Variants in LRP1B observed in about 807,000 individuals in gnomAD.
LRP1B encodes the protein LDL receptor related protein 1B.
A neutral mutation model predicts 556.6 loss-of-function variants in LRP1B; 217 were observed. That is an observed-to-expected ratio of 0.39 (90% confidence interval 0.35 to 0.44). LRP1B has a LOEUF of 0.44. Among genes scored for constraint, LRP1B ranks in the 20% least tolerant of loss-of-function variants. The pLI is 1.00. For missense variants in LRP1B, 5,053 were observed against 5,620.8 expected (o/e 0.90, Z 3.23); for synonymous variants, 2,047 against 1,865.8 (o/e 1.10, Z -2.50).
intron 43 of LRP1B, among the ~76,000 whole-genome samples, chr2:140,548,985 T>C (rs1045047572): frequency 6.6e-5 from 10 of 152,054 alleles, no homozygotes; most frequent in African/African-American, 2.4e-4. Flanking sequence ...TGTGAGGTAA[T>C]TAACAACATT....
chr2:142,083,054 C>G (rs1705780159), intron 1 of LRP1B, among the ~76,000 whole-genome samples: 1 of 152,070 alleles, frequency 6.6e-6, no homozygotes, highest in African/African-American at 2.4e-5. Context: ...GATGAGGTGA[C>G]AGTAAATGAT....
intron 1 of LRP1B, among the ~76,000 whole-genome samples, chr2:142,108,319 T>C (rs1279085147): frequency 1.3e-5 from 2 of 152,148 alleles, no homozygotes; most frequent in Admixed American, 6.6e-5. Flanking sequence ...TTCAATTCCA[T>C]GGGAAATAGC....
chr2:141,357,525 G>A lies in LRP1B; in HGVS notation c.344-102884C>T, dbSNP rs116750442. 6.3e-3 allele frequency among the ~76,000 whole-genome samples: 960 copies of A among 152,164 alleles called. 6 individuals carry two copies. The highest frequency in any genetic ancestry group is 0.022 in the African/African-American group (922 of 41,512). On this transcript the variant is annotated intron_variant, in intron 3 of 90. Coordinates refer to ENST00000389484, the MANE Select transcript of LRP1B (RefSeq NM_018557.3). ...GAGCCACTGAATAAACCCTGAAAAC[G>A]CGCTGAATTTATAATTATGATATCA... is the stretch of plus-strand genomic sequence containing the variant.
At chr2:141,727,534 A>G (rs1470065579) in intron 2 of LRP1B, among the ~76,000 whole-genome samples, 1 of 152,130 alleles carries the variant, frequency 6.6e-6, no homozygotes, top group Non-Finnish European at 1.5e-5. Flanking sequence ...TTGAATTTGG[A>G]TTTCAATCCT....
intron 41 of LRP1B, among the ~76,000 whole-genome samples, chr2:140,665,536 T>C (rs547598687): frequency 1.8e-4 from 27 of 152,338 alleles, no homozygotes; most frequent in African/African-American, 4.3e-4. Flanking sequence ...TTTTCCCTTT[T>C]TTCCATAGCC....
At chr2:140,586,256 C>T (rs1486731045) in intron 43 of LRP1B, among the ~76,000 whole-genome samples, 1 of 152,100 alleles carries the variant, frequency 6.6e-6, no homozygotes, top group African/African-American at 2.4e-5. Flanking sequence ...AGTGTGTTTC[C>T]TAAGTGTCAT....
rs747555233 is a variant in LRP1B at position 140,868,253 on chromosome 2, A to G, written c.4180T>C (p.Trp1394Arg). The change falls in exon 26 of 91, where the codon TGG becomes CGG. Residue 1394 changes from tryptophan to arginine, a missense_variant. Physicochemically the swap from Trp to Arg is moderately radical, Grantham distance 101 (BLOSUM62 -3). Transcript: ENST00000389484. Reference protein sequence around the residue: ...ALDPRYGILFWTDWDANFPRI... With the variant: ...ALDPRYGILFRTDWDANFPRI... ...GGAAAATTTGCATCCCAGTCTGTCC[A>G]GAAAAGAATTCTAAAAAAAAAAAAA... 6.4e-7 allele frequency: 1 copy of G among 1,558,132 alleles called. No individual in the cohort carries two copies. The highest frequency in any genetic ancestry group is 8.6e-7 in the Non-Finnish European group (1 of 1,161,672).
chr2:141,112,232 T>A (rs189972127), intron 7 of LRP1B, among the ~76,000 whole-genome samples: 4 of 152,162 alleles, frequency 2.6e-5, no homozygotes, highest in African/African-American at 9.7e-5. Context: ...TGGTCATTCA[T>A]GAACATGCTC....
intron 60 of LRP1B, among the ~76,000 whole-genome samples, chr2:140,461,759 G>A (rs183756327): frequency 6.6e-5 from 10 of 151,942 alleles, no homozygotes; most frequent in South Asian, 6.2e-4. Context: ...CCTTGAACCC[G>A]GGAGGCAGAG....
intron 3 of LRP1B, among the ~76,000 whole-genome samples, chr2:141,358,974 T>G (rs1407150480): frequency 6.6e-6 from 1 of 152,072 alleles, no homozygotes; most frequent in Non-Finnish European, 1.5e-5. Context: ...ACAAGATAAT[T>G]TGATTCAATT....
chr2:140,982,275 G>C lies in LRP1B; in HGVS notation c.2772C>G (p.Ala924=). The C allele has an allele frequency of 6.2e-7, 1 of 1,604,204 alleles. No homozygotes were observed. The highest frequency in any genetic ancestry group is 8.5e-7 in the Non-Finnish European group (1 of 1,171,772). ...AAAACTGGTCTACCTGGCATGTTCT[G>C]GCTATGATGATCAATTAATAAACAA... is the stretch of plus-strand genomic sequence containing the variant. ...NEDESNQTCT[A]RTCQVDQFSC... Residue 924 remains alanine (A), a splice_region_variant and synonymous_variant, in exon 18 of 91, where the codon GCC becomes GCG. Coordinates refer to ENST00000389484, the MANE Select transcript of LRP1B (RefSeq NM_018557.3).
At chr2:140,483,849 C>A (rs1433054929) in intron 59 of LRP1B, among the ~76,000 whole-genome samples, 1 of 151,658 alleles carries the variant, frequency 6.6e-6, no homozygotes, top group African/African-American at 2.4e-5. Flanking sequence ...CCATGGTGGC[C>A]AGGCTGGTCT....
intron 6 of LRP1B, among the ~76,000 whole-genome samples, chr2:141,191,276 C>G: frequency 6.6e-6 from 1 of 151,890 alleles, no homozygotes; most frequent in East Asian, 1.9e-4. Context: ...TTTTGTTAGT[C>G]TAATTGGCAT....
chr2:141,701,518 G>T (rs1011161556), intron 2 of LRP1B, among the ~76,000 whole-genome samples: 3 of 151,648 alleles, frequency 2.0e-5, no homozygotes, highest in Non-Finnish European at 4.4e-5. Flanking sequence ...ACATCTTGAC[G>T]CCATTACTTA....
intron 2 of LRP1B, among the ~76,000 whole-genome samples, chr2:141,576,195 T>A (rs927980339): frequency 6.6e-6 from 1 of 152,190 alleles, no homozygotes; most frequent in East Asian, 1.9e-4. Context: ...TACCTAATGA[T>A]AGACTGGATA....
chr2:140,524,742 C>A lies in LRP1B; in HGVS notation c.8026+1102G>T, dbSNP rs538694850. On this transcript the variant is annotated intron_variant, in intron 49 of 90. Coordinates refer to ENST00000389484, the MANE Select transcript of LRP1B (RefSeq NM_018557.3). ...TTCCCAGTTGCAAGTGGGAGCTAAA[C>A]ATTGAGTACACAACGAAGTAAATAT... Among the ~76,000 whole-genome samples, 4 of 151,834 alleles carry A rather than the reference C, an allele frequency of 2.6e-5. No homozygotes were observed. In the East Asian group the frequency reaches 5.8e-4, roughly 22 times the overall value.
At chr2:141,276,755 C>A (rs567931433) in intron 3 of LRP1B, among the ~76,000 whole-genome samples, 1 of 149,790 alleles carries the variant, frequency 6.7e-6, no homozygotes, top group Non-Finnish European at 1.5e-5. Flanking sequence ...CTCCCCGGTT[C>A]ACGCCATTCT....
At chr2:141,196,295 C>T (rs201200482) in intron 6 of LRP1B, among the ~76,000 whole-genome samples, 5 of 152,102 alleles carry the variant, frequency 3.3e-5, no homozygotes, top group African/African-American at 1.2e-4. Flanking sequence ...CATTTACTTT[C>T]GTAATTCTCT....
intron 2 of LRP1B, among the ~76,000 whole-genome samples, chr2:141,533,227 T>A (rs891592824): frequency 8.5e-5 from 13 of 152,280 alleles, no homozygotes; most frequent in African/African-American, 2.6e-4. Flanking sequence ...AAATAATAAT[T>A]CTGTAATATG....
Sources: gnomAD v4.1 joint callset for allele counts (sites outside exome capture counted in the v4.1 genomes callset) on GRCh38, gnomAD v4.1.1 for gene constraint, MANE v1.5 for transcripts, NCBI Gene and HGNC (gene_info 2026-07-23, HGNC 2026-07-21) for gene names.